The following SLC16A1 variants were observed in gnomAD, a reference collection of about 807,000 sequenced individuals.
SLC16A1 encodes monocarboxylate transporter 1.
In SLC16A1, 11 loss-of-function variants were observed where a neutral mutation model predicts 32.2. The ratio of observed to expected loss-of-function variants is 0.34; its 90% CI spans 0.21 to 0.56. The LOEUF is 0.56. Ranked by LOEUF, SLC16A1 falls within the 20% of genes least tolerant of loss-of-function variation. The probability of loss-of-function intolerance (pLI) is 0.87; values close to 1 mark genes in which losing one functional copy is unlikely to be tolerated. For missense variants in SLC16A1, 435 were observed against 615.0 expected, an observed-to-expected ratio of 0.71 and a Z score of 3.10; for synonymous variants, 231 against 226.8, an observed-to-expected ratio of 1.02 and a Z score of -0.17.
intron 3 of SLC16A1, among the ~76,000 whole-genome samples, chr1:112,918,340 G>A (rs547887211): frequency 6.6e-6 from 1 of 152,252 alleles, no homozygotes; most frequent in African/African-American, 2.4e-5. Context: ...TTAGTACCCA[G>A]TGCCCAGTAT....
chr1:112,923,416 C>G, intron 2 of SLC16A1: 1 of 656,746 alleles, frequency 1.5e-6, no homozygotes, highest in South Asian at 1.6e-5. Flanking sequence ...CTCCTGTTGC[C>G]GCCATCATGT....
At chr1:112,929,637 G>C (rs1480174067) in intron 1 of SLC16A1, among the ~76,000 whole-genome samples, 1 of 152,112 alleles carries the variant, frequency 6.6e-6, no homozygotes, top group African/African-American at 2.4e-5. Flanking sequence ...CTTGTACTCA[G>C]GAGTTTGAGA....
intron 1 of SLC16A1, among the ~76,000 whole-genome samples, chr1:112,931,524 T>C (rs1273804849): frequency 6.6e-6 from 1 of 151,198 alleles, no homozygotes; most frequent in Admixed American, 6.6e-5. Context: ...CATGCGACTG[T>C]AGTCCCAACT....
At chr1:112,928,950 T>C in intron 2 of SLC16A1, 142 bp downstream of exon 2, 1 of 660,088 alleles carries the variant, frequency 1.5e-6, no homozygotes, top group South Asian at 1.9e-5. Flanking sequence ...ATGAAAAATG[T>C]GACTCTAAAC....
intron 1 of SLC16A1, among the ~76,000 whole-genome samples, chr1:112,930,763 C>T (rs1457017426): frequency 4.9e-5 from 7 of 142,504 alleles, no homozygotes; most frequent in Non-Finnish European, 9.0e-5. Context: ...CTCACTCTGT[C>T]GCCCGGGCTG....
chr1:112,952,230 C>A (rs368425441), intron 1 of SLC16A1, among the ~76,000 whole-genome samples: 2 of 152,090 alleles, frequency 1.3e-5, no homozygotes, highest in African/African-American at 4.8e-5. Flanking sequence ...TGAGAGAAAC[C>A]GGAGGAAAAA....
chr1:112,955,779 G>A (rs1650069412), intron 1 of SLC16A1: 1 of 152,426 alleles, frequency 6.6e-6, no homozygotes, highest in African/African-American at 2.4e-5. Flanking sequence ...TCCTCGGCCA[G>A]GCCTGGGACC....
At chr1:112,934,396 T>C (rs773729210) in intron 1 of SLC16A1, among the ~76,000 whole-genome samples, 1 of 152,038 alleles carries the variant, frequency 6.6e-6, no homozygotes, top group Non-Finnish European at 1.5e-5. Context: ...CTACCAGGGG[T>C]TGGGGAGAGG....
In SLC16A1 at chr1:112,953,044, C is replaced by T. The variant is rs567948601; in HGVS notation, c.-45+2991G>A. On this transcript the variant is annotated intron_variant, in intron 1 of 4. Coordinates refer to ENST00000369626, the MANE Select transcript of SLC16A1 (RefSeq NM_003051.4). The stretch of plus-strand genomic sequence containing the variant: ...ATCCTGTCTTGTCCATCACTGTGGT[C>T]TCACACCACTCCAACAGCCTCCTTT... Among the ~76,000 whole-genome samples, 3 of 152,242 alleles carry T rather than the reference C, an allele frequency of 2.0e-5. No homozygotes were observed. In the East Asian group the frequency reaches 5.8e-4, roughly 29 times the overall value.
At chr1:112,946,751 C>T (rs1239363148) in intron 1 of SLC16A1, among the ~76,000 whole-genome samples, 1 of 152,104 alleles carries the variant, frequency 6.6e-6, no homozygotes, top group East Asian at 1.9e-4. Flanking sequence ...AGGGGTTTCG[C>T]CATGTTGGTC....
At chr1:112,944,272 G>A (rs1040652551) in intron 1 of SLC16A1, among the ~76,000 whole-genome samples, 8 of 152,114 alleles carry the variant, frequency 5.3e-5, no homozygotes, top group South Asian at 2.1e-4. Context: ...GCCATATGGC[G>A]AAACCCTGTC....
chr1:112,951,161 T>G (rs1242356984), intron 1 of SLC16A1, among the ~76,000 whole-genome samples: 1 of 152,024 alleles, frequency 6.6e-6, no homozygotes, highest in Non-Finnish European at 1.5e-5. Context: ...TTCCATTCAT[T>G]GTAAAAATCT....
At chr1:112,923,193 C>T (rs1648800276) in intron 2 of SLC16A1, among the ~76,000 whole-genome samples, 1 of 152,130 alleles carries the variant, frequency 6.6e-6, no homozygotes, top group Admixed American at 6.5e-5. Flanking sequence ...GTGGCGCATG[C>T]CTGTAATCCC....
At chr1:112,924,570 AAAAC>A (rs1414022538) in intron 2 of SLC16A1, among the ~76,000 whole-genome samples, 3 of 152,226 alleles carry the variant, frequency 2.0e-5, no homozygotes, top group Non-Finnish European at 4.4e-5. Context: ...ATTTATAAAG[AAAAC>A]AAACAAACAA....
At chr1:112,953,153 CTTT>C (rs55766100) in intron 1 of SLC16A1, among the ~76,000 whole-genome samples, 147 of 130,160 alleles carry the variant, frequency 1.1e-3, no homozygotes, top group African/African-American at 3.7e-3. Context: ...ACTGAAAATC[CTTT>C]TTTTTTTTTT....
intron 4 of SLC16A1, among the ~76,000 whole-genome samples, chr1:112,914,782 G>C (rs952917638): frequency 6.6e-6 from 1 of 152,118 alleles, no homozygotes; most frequent in Non-Finnish European, 1.5e-5. Context: ...AGTCTGACTC[G>C]GAAGTCTGCA....
chr1:112,915,092 A>G (rs1648455010), intron 4 of SLC16A1, among the ~76,000 whole-genome samples: 1 of 152,180 alleles, frequency 6.6e-6, no homozygotes, highest in African/African-American at 2.4e-5. Flanking sequence ...TCATTCAACA[A>G]TATTTATTGA....
rs186103734 is a variant in SLC16A1 at position 112,953,437 on chromosome 1, A to G, written c.-45+2598T>C. On this transcript the variant is annotated intron_variant, in intron 1 of 4. Transcript: ENST00000369626. ...CTTGGCCTCCCAAAGTGTTGGGATT[A>G]CAGGCGTGAGCCACCAGCTTGAAAA... Among the ~76,000 whole-genome samples the G allele has an allele frequency of 5.3e-5, 8 of 152,338 alleles. 1 individual carries two copies. The highest frequency in any genetic ancestry group is 5.2e-4 in the Admixed American group (8 of 15,302).
Position 112,924,251 on chromosome 1 carries a change from G to A in SLC16A1, c.218-2118C>T, listed in dbSNP as rs190384888. ...AGCAGTTGGAGCAGAACTTGGCAGC[G>A]GCAGAGGAAGGGCCCCTGGAGCCAG... On this transcript the variant is annotated intron_variant, in intron 2 of 4. Transcript: ENST00000369626. The A allele has an allele frequency of 7.5e-5, 112 of 1,500,810 alleles. 2 individuals carry two copies. In the Admixed American group the frequency reaches 1.5e-3, roughly 20 times the overall value. 93.0% of individuals were successfully genotyped at this position (1,500,810 alleles called of 1,614,324 possible). A position where few individuals can be genotyped will look rare whatever the true frequency, so the allele number is the denominator to read the frequency against.
Sources: allele counts gnomAD v4.1 joint callset (sites outside exome capture counted in the v4.1 genomes callset), GRCh38; gene constraint gnomAD v4.1.1; transcripts MANE v1.5; gene names NCBI Gene and HGNC (gene_info 2026-07-23, HGNC 2026-07-21).